The following NTM variants were observed in gnomAD, a reference collection of about 807,000 sequenced individuals.
NTM encodes neurotrimin.
NTM carries 13 observed loss-of-function variants against 42.1 expected under a neutral mutation model. That is an observed-to-expected ratio of 0.31 (90% confidence interval 0.20 to 0.49). NTM has a LOEUF of 0.49. Among genes scored for constraint, NTM ranks in the 20% least tolerant of loss-of-function variants. The pLI is 0.99. For missense variants in NTM, 373 were observed against 452.8 expected (o/e 0.82, Z 1.60); for synonymous variants, 187 against 179.2 (o/e 1.04, Z -0.35).
intron 1 of NTM, among the ~76,000 whole-genome samples, chr11:131,377,274 G>T (rs968156746): frequency 1.4e-4 from 22 of 152,128 alleles, no homozygotes; most frequent in Non-Finnish European, 1.5e-5. Context: ...TATAGGATGG[G>T]GAATGCTGCT....
intron 2 of NTM, among the ~76,000 whole-genome samples, chr11:131,915,565 A>C (rs532731237): frequency 1.5e-3 from 221 of 152,294 alleles, no homozygotes; most frequent in Non-Finnish European, 2.6e-3. Context: ...ACGGTCAATC[A>C]GAAATGTATT....
Position 131,621,006 on chromosome 11 carries a change from C to T in NTM, c.82+250118C>T, listed in dbSNP as rs190464472. ...GCACTAGCCACTAACTAATGTGATG[C>T]TGCCAGACACAAAGCTTGTAATTGT... is the stretch of plus-strand genomic sequence containing the variant. On this transcript the variant is annotated intron_variant, in intron 1 of 8. Coordinates refer to ENST00000683400, the MANE Select transcript of NTM (RefSeq NM_001352005.2). Among the ~76,000 whole-genome samples the T allele has an allele frequency of 4.9e-4, 74 of 152,306 alleles. No individual in the cohort carries two copies. In the East Asian group the frequency reaches 9.7e-3, roughly 20 times the overall value.
intron 4 of NTM, among the ~76,000 whole-genome samples, chr11:132,265,720 C>T (rs2093141668): frequency 6.6e-6 from 1 of 152,176 alleles, no homozygotes; most frequent in South Asian, 2.1e-4. Flanking sequence ...CCGTGGCATG[C>T]AGTCGTTGTG....
chr11:131,784,406 A>G (rs573406619), intron 1 of NTM, among the ~76,000 whole-genome samples: 7 of 145,780 alleles, frequency 4.8e-5, no homozygotes, highest in Non-Finnish European at 9.0e-5. Context: ...GTGAAATTCT[A>G]TTGAGTAATG....
At chr11:131,823,367 C>T (rs2093270237) in intron 1 of NTM, among the ~76,000 whole-genome samples, 1 of 152,044 alleles carries the variant, frequency 6.6e-6, no homozygotes, top group Non-Finnish European at 1.5e-5. Flanking sequence ...ACTAAGTGGC[C>T]GATGCAGTAG....
chr11:131,459,157 C>A (rs1951158120), intron 1 of NTM, among the ~76,000 whole-genome samples: 1 of 152,236 alleles, frequency 6.6e-6, no homozygotes, highest in African/African-American at 2.4e-5. Context: ...CTACGCCACT[C>A]TCAGAAAGTA....
chr11:131,695,393 C>G (rs1299503464), intron 1 of NTM, among the ~76,000 whole-genome samples: 1 of 152,116 alleles, frequency 6.6e-6, no homozygotes, highest in African/African-American at 2.4e-5. Context: ...TTTACGCAAA[C>G]CTTCATGCCG....
At chr11:131,832,825 A>AAT (rs1212326133) in intron 1 of NTM, among the ~76,000 whole-genome samples, 3 of 152,270 alleles carry the variant, frequency 2.0e-5, no homozygotes, top group Non-Finnish European at 4.4e-5. Flanking sequence ...CACAGGATTA[A>AAT]ATATATATAT....
chr11:131,932,852 C>T (rs907719498), intron 2 of NTM, among the ~76,000 whole-genome samples: 28 of 152,110 alleles, frequency 1.8e-4, no homozygotes, highest in African/African-American at 5.8e-4. Context: ...CCTTTGGAAC[C>T]GAATTGAGTG....
intron 2 of NTM, among the ~76,000 whole-genome samples, chr11:132,059,683 G>A (rs1156364074): frequency 1.3e-5 from 2 of 152,054 alleles, no homozygotes; most frequent in Non-Finnish European, 2.9e-5. Context: ...TTTGTGACCA[G>A]TTCCCATGGA....
intron 1 of NTM, among the ~76,000 whole-genome samples, chr11:131,873,162 C>T (rs1409388918): frequency 2.0e-5 from 3 of 152,136 alleles, no homozygotes; most frequent in Non-Finnish European, 4.4e-5. Flanking sequence ...CACATATACA[C>T]CATGGAATAC....
chr11:131,542,309 A>T (rs994439389), intron 1 of NTM, among the ~76,000 whole-genome samples: 1 of 152,176 alleles, frequency 6.6e-6, no homozygotes, highest in African/African-American at 2.4e-5. Flanking sequence ...GCCTTCCAAC[A>T]CACCATGTAG....
intron 1 of NTM, among the ~76,000 whole-genome samples, chr11:131,756,501 G>A (rs964347658): frequency 1.3e-5 from 2 of 150,878 alleles, no homozygotes; most frequent in African/African-American, 4.9e-5. Context: ...TCCAGCCTGG[G>A]CAACAGAGTG....
chr11:131,407,379 A>G (rs1945912059), intron 1 of NTM, among the ~76,000 whole-genome samples: 1 of 152,224 alleles, frequency 6.6e-6, no homozygotes, highest in Admixed American at 6.5e-5. Flanking sequence ...CAAGAGCTAC[A>G]TACAATGCCC....
At chr11:131,695,021 G>A (rs755760266) in intron 1 of NTM, among the ~76,000 whole-genome samples, 66 of 152,180 alleles carry the variant, frequency 4.3e-4, no homozygotes, top group Non-Finnish European at 8.5e-4. Flanking sequence ...AGTGTTGGAC[G>A]GGCTGGGAGG....
intron 1 of NTM, among the ~76,000 whole-genome samples, chr11:131,403,836 G>A (rs1393387706): frequency 2.0e-5 from 3 of 152,040 alleles, no homozygotes; most frequent in African/African-American, 7.2e-5. Context: ...TTCATTTGTA[G>A]GGCCCGAAAT....
At chr11:132,223,364 T>C (rs1454685190) in intron 4 of NTM, among the ~76,000 whole-genome samples, 2 of 152,154 alleles carry the variant, frequency 1.3e-5, no homozygotes, top group Admixed American at 6.5e-5. Flanking sequence ...GTTTGAGGGA[T>C]TGTAGACTTA....
intron 1 of NTM, among the ~76,000 whole-genome samples, chr11:131,612,798 C>T (rs1472948551): frequency 6.6e-6 from 1 of 152,236 alleles, no homozygotes; most frequent in African/African-American, 2.4e-5. Flanking sequence ...CCACTAAGAG[C>T]AGCCTCTCTG....
intron 1 of NTM, among the ~76,000 whole-genome samples, chr11:131,518,779 A>G (rs933516929): frequency 6.6e-6 from 1 of 152,194 alleles, no homozygotes; most frequent in African/African-American, 2.4e-5. Flanking sequence ...TATAAGCACC[A>G]GGCTTCATTT....
Sources: allele counts gnomAD v4.1 joint callset (sites outside exome capture counted in the v4.1 genomes callset), GRCh38; gene constraint gnomAD v4.1.1; transcripts MANE v1.5; gene names NCBI Gene and HGNC (gene_info 2026-07-23, HGNC 2026-07-21).